The following SPECC1 variants were observed in gnomAD, a reference collection of about 807,000 sequenced individuals.
SPECC1 encodes sperm antigen with calponin homology and coiled-coil domains 1.
A neutral mutation model predicts 104.1 loss-of-function variants in SPECC1; 62 were observed. That is an observed-to-expected ratio of 0.60 (90% CI 0.49 to 0.74). The LOEUF (loss-of-function observed/expected upper bound fraction) is 0.74, where lower values mean the gene tolerates loss of function less well. SPECC1 is among the 30% of genes least tolerant of loss of function. The pLI is 0.00. For missense variants in SPECC1, 1,306 were observed against 1,310.5 expected (o/e 1.00, Z 0.05); for synonymous variants, 513 against 501.6 (o/e 1.02, Z -0.30).
intron 7 of SPECC1, among the ~76,000 whole-genome samples, chr17:20,232,857 A>G (rs938408374): frequency 1.3e-5 from 2 of 152,188 alleles, no homozygotes; most frequent in African/African-American, 4.8e-5. Flanking sequence ...GTGCCTGCTT[A>G]TTGAGAACAC....
At chr17:20,098,135 G>A (rs2047741017) in intron 2 of SPECC1, among the ~76,000 whole-genome samples, 1 of 152,140 alleles carries the variant, frequency 6.6e-6, no homozygotes, top group Admixed American at 6.6e-5. Flanking sequence ...ATGTCCAAAA[G>A]TGTAACATGT....
chr17:20,288,924 A>G (rs2041059389), intron 12 of SPECC1, among the ~76,000 whole-genome samples: 1 of 151,974 alleles, frequency 6.6e-6, no homozygotes, highest in East Asian at 1.9e-4. Flanking sequence ...AGCTGGGATT[A>G]CAGGCGCCTG....
At chr17:20,132,374 G>T (rs2049690829) in intron 3 of SPECC1, among the ~76,000 whole-genome samples, 2 of 152,166 alleles carry the variant, frequency 1.3e-5, no homozygotes, top group African/African-American at 4.8e-5. Context: ...TCTGGTTTTG[G>T]TATCAGGATA....
At chr17:20,101,197 G>C (rs2047929494) in intron 2 of SPECC1, among the ~76,000 whole-genome samples, 1 of 152,016 alleles carries the variant, frequency 6.6e-6, no homozygotes, top group Non-Finnish European at 1.5e-5. Context: ...GAGATTGCTG[G>C]GTCAAATGGT....
chr17:20,171,764 G>A (rs994780765), intron 3 of SPECC1, among the ~76,000 whole-genome samples: 1 of 152,164 alleles, frequency 6.6e-6, no homozygotes, highest in Admixed American at 6.5e-5. Flanking sequence ...TGCTCAGGCT[G>A]GTCTCATCCC....
intron 3 of SPECC1, among the ~76,000 whole-genome samples, chr17:20,117,446 A>G (rs1431872081): frequency 6.6e-6 from 1 of 152,128 alleles, no homozygotes; most frequent in East Asian, 1.9e-4. Flanking sequence ...TTTGCAATAC[A>G]TGTAACAAAA....
chr17:20,299,300 T>C (rs921680217), intron 13 of SPECC1, among the ~76,000 whole-genome samples: 1 of 151,996 alleles, frequency 6.6e-6, no homozygotes, highest in African/African-American at 2.4e-5. Flanking sequence ...ATACTTGTAA[T>C]CCCAGCACTT....
At chr17:20,109,368 G>A (rs559766007) in intron 2 of SPECC1, among the ~76,000 whole-genome samples, 26 of 152,340 alleles carry the variant, frequency 1.7e-4, no homozygotes, top group African/African-American at 6.3e-4. Context: ...GCCTTCTCCA[G>A]TCTTCCGGCA....
chr17:20,094,690 T>A (rs1449935290), intron 1 of SPECC1, among the ~76,000 whole-genome samples: 2 of 138,512 alleles, frequency 1.4e-5, no homozygotes, highest in Admixed American at 1.4e-4. Context: ...TTTTTTTTTT[T>A]ATTTAGAGAG....
chr17:20,298,922 AGAG>A (rs775509702), intron 13 of SPECC1, among the ~76,000 whole-genome samples: 3 of 33,150 alleles, frequency 9.0e-5, no homozygotes, highest in Non-Finnish European at 1.6e-4. Context: ...CAGAACCAAA[AGAG>A]AGAGAGAGAG....
chr17:20,163,552 T>TTC (rs748754978), intron 3 of SPECC1, among the ~76,000 whole-genome samples: 1 of 151,712 alleles, frequency 6.6e-6, no homozygotes, highest in Non-Finnish European at 1.5e-5. Context: ...AACATTTATA[T>TTC]TCTCTCTCTC....
At chr17:20,029,752 C>T (rs747564232) in intron 1 of SPECC1, among the ~76,000 whole-genome samples, 36 of 152,082 alleles carry the variant, frequency 2.4e-4, no homozygotes, top group Non-Finnish European at 5.0e-4. Context: ...TTAGTAATGT[C>T]CCCTCTTTTA....
At chr17:20,135,602 T>TGCA (rs999050877) in intron 3 of SPECC1, among the ~76,000 whole-genome samples, 3 of 152,132 alleles carry the variant, frequency 2.0e-5, no homozygotes, top group African/African-American at 7.2e-5. Flanking sequence ...ACCACAGGCA[T>TGCA]GCACCACCAT....
chr17:20,283,975 T>C (rs1291822560), intron 12 of SPECC1, among the ~76,000 whole-genome samples: 7 of 152,252 alleles, frequency 4.6e-5, no homozygotes, highest in African/African-American at 1.7e-4. Flanking sequence ...ATAGAAACTT[T>C]CTTTAAGTCA....
intron 1 of SPECC1, among the ~76,000 whole-genome samples, chr17:20,019,312 A>AT (rs2044279413): frequency 6.6e-6 from 1 of 151,568 alleles, no homozygotes; most frequent in African/African-American, 2.4e-5. Context: ...TTTCTGTAAG[A>AT]TTTTCCTCCT....
At chr17:20,077,358 C>G (rs535517596) in intron 1 of SPECC1, among the ~76,000 whole-genome samples, 5 of 152,048 alleles carry the variant, frequency 3.3e-5, no homozygotes, top group East Asian at 1.9e-4. Context: ...ATACCTCCAG[C>G]TTTTCTATTA....
At chr17:20,203,342 A>G (rs776473504) in intron 3 of SPECC1, among the ~76,000 whole-genome samples, 1 of 151,916 alleles carries the variant, frequency 6.6e-6, no homozygotes, top group Non-Finnish European at 1.5e-5. Flanking sequence ...GTGGGTTTCA[A>G]TTCTAGAGCA....
intron 1 of SPECC1, among the ~76,000 whole-genome samples, chr17:20,090,058 G>A (rs1322913336): frequency 6.6e-5 from 10 of 152,222 alleles, no homozygotes; most frequent in African/African-American, 9.6e-5. Context: ...GTATGAGACC[G>A]TCTCAGACTA....
intron 1 of SPECC1, among the ~76,000 whole-genome samples, chr17:20,033,767 C>T (rs2044928920): frequency 1.3e-5 from 2 of 152,332 alleles, no homozygotes; most frequent in African/African-American, 4.8e-5. Flanking sequence ...GGCCCCACCT[C>T]CAGTACTGGG....
Sources: gnomAD v4.1 joint callset for allele counts (sites outside exome capture counted in the v4.1 genomes callset) on GRCh38, gnomAD v4.1.1 for gene constraint, MANE v1.5 for transcripts, NCBI Gene and HGNC (gene_info 2026-07-23, HGNC 2026-07-21) for gene names.